The following VNN1 variants were observed in gnomAD, a reference collection of about 807,000 sequenced individuals.
VNN1 encodes pantetheinase.
VNN1 carries 29 observed loss-of-function variants against 41.9 expected under a neutral mutation model. The ratio of observed to expected loss-of-function variants is 0.69; its 90% CI spans 0.52 to 0.94. The LOEUF (loss-of-function observed/expected upper bound fraction) is 0.94, where lower values mean the gene tolerates loss of function less well. Ranked by LOEUF, VNN1 falls within the 40% of genes least tolerant of loss-of-function variation. The pLI is 0.00. For synonymous variants in VNN1, 233 were observed against 224.4 expected, an observed-to-expected ratio of 1.04 and a Z score of -0.34; for missense variants, 637 against 621.1, an observed-to-expected ratio of 1.03 and a Z score of -0.27.
intron 2 of VNN1, among the ~76,000 whole-genome samples, chr6:132,709,303 A>C (rs1318856081): frequency 2.0e-5 from 3 of 152,188 alleles, no homozygotes; most frequent in East Asian, 1.9e-4. Flanking sequence ...AGGAATTTTT[A>C]ATCTGTTTTG....
intron 2 of VNN1, among the ~76,000 whole-genome samples, chr6:132,696,456 A>G (rs568321212): frequency 3.3e-5 from 5 of 152,292 alleles, no homozygotes; most frequent in African/African-American, 1.2e-4. Context: ...AAGATCCAAG[A>G]AGCTCAACAA....
chr6:132,693,396 C>T, intron 3 of VNN1, 81 bp from the exon 4 acceptor site: 5 of 1,368,184 alleles, frequency 3.7e-6, no homozygotes, highest in Non-Finnish European at 4.9e-6. Flanking sequence ...AAAGTACAAG[C>T]TCACATCTTA....
chr6:132,701,897 A>T (rs9399038), intron 2 of VNN1, among the ~76,000 whole-genome samples: 70,841 of 152,076 alleles, frequency 0.47, 18,572 homozygotes, highest in African/African-American at 0.71. Context: ...CAGTGTTGCC[A>T]TGTAACAGCA....
At chr6:132,695,325 A>C (rs1778353151) in intron 2 of VNN1, among the ~76,000 whole-genome samples, 1 of 152,182 alleles carries the variant, frequency 6.6e-6, no homozygotes, top group Non-Finnish European at 1.5e-5. Flanking sequence ...GAATGCTTGG[A>C]AGGTAACTTA....
At chr6:132,685,286 C>T (rs1778190025) in intron 5 of VNN1, among the ~76,000 whole-genome samples, 2 of 152,174 alleles carry the variant, frequency 1.3e-5, no homozygotes, top group South Asian at 4.1e-4. Context: ...AAAGGAGATC[C>T]ATATTCATTT....
At chr6:132,684,757 T>A (rs1049426291) in intron 5 of VNN1, among the ~76,000 whole-genome samples, 1 of 152,156 alleles carries the variant, frequency 6.6e-6, no homozygotes, top group Non-Finnish European at 1.5e-5. Flanking sequence ...TGAAATACTC[T>A]CTTGATCTAG....
intron 3 of VNN1, among the ~76,000 whole-genome samples, chr6:132,693,668 C>A (rs1484301020): frequency 6.6e-6 from 1 of 152,286 alleles, no homozygotes; most frequent in African/African-American, 2.4e-5. Context: ...ATGTGGTAAG[C>A]AGTTTTTCAT....
intron 5 of VNN1, among the ~76,000 whole-genome samples, chr6:132,689,259 G>A (rs144702558): frequency 5.0e-4 from 75 of 150,624 alleles, no homozygotes; most frequent in Middle Eastern, 3.4e-3. Flanking sequence ...AGGCTCTCTC[G>A]TTTGTTGAGA....
chr6:132,702,889 G>A (rs12660840), intron 2 of VNN1, among the ~76,000 whole-genome samples: 1 of 152,122 alleles, frequency 6.6e-6, no homozygotes, highest in East Asian at 1.9e-4. Flanking sequence ...TACTCACCAC[G>A]AGGCTTGGGT....
At chr6:132,707,786 G>C (rs1279699712) in intron 2 of VNN1, among the ~76,000 whole-genome samples, 1 of 152,174 alleles carries the variant, frequency 6.6e-6, no homozygotes, top group Non-Finnish European at 1.5e-5. Context: ...GGGTAGTTAG[G>C]GGAGGAGTGG....
chr6:132,689,628 C>A (rs896443459), intron 5 of VNN1, among the ~76,000 whole-genome samples: 5 of 152,124 alleles, frequency 3.3e-5, no homozygotes, highest in African/African-American at 7.2e-5. Flanking sequence ...TGTCCTCTGT[C>A]CTTTCCTGCC....
Position 132,693,277 on chromosome 6 carries a change from G to T in VNN1, c.573C>A (p.Pro191=), listed in dbSNP as rs192335034. The change falls in exon 4 of 7, where the codon CCC becomes CCA. Residue 191 remains proline (P), a synonymous_variant. Coordinates refer to ENST00000367928, the MANE Select transcript of VNN1 (RefSeq NM_004666.3). The stretch of plus-strand genomic sequence containing the variant: ...TGAAAGTCACAATCTCAGGCTCCTT[G>T]GGTACATTGAATTGATTTTCACCCA... ...LFMGENQFNV[P]KEPEIVTFNT... 4 of 1,611,942 alleles carry T rather than the reference G, an allele frequency of 2.5e-6. No individual in the cohort carries two copies. Among genetic ancestry groups the T allele is most frequent in the Non-Finnish European group, 3.4e-6 (4 of 1,179,360 alleles).
At chr6:132,692,895 C>T (rs1778312660) in intron 4 of VNN1, 129 bp downstream of exon 4, 1 of 1,106,262 alleles carries the variant, frequency 9.0e-7, no homozygotes, top group Non-Finnish European at 1.2e-6. Flanking sequence ...ATATTAACAG[C>T]TAGATGTTCA....
At position 132,682,678 on chromosome 6, in the gene VNN1, C is replaced by T. The variant is rs1778142767; in HGVS notation, c.*462G>A. On this transcript the variant is annotated 3_prime_UTR_variant, in exon 7 of 7. Coordinates refer to ENST00000367928, the MANE Select transcript of VNN1 (RefSeq NM_004666.3). The stretch of plus-strand genomic sequence containing the variant: ...CTTCAACATGTAAATTTTGGGGAGA[C>T]ATTATCAACCCACAAGAGAATCAAA... 6.6e-6 allele frequency: 1 copy of T among 152,416 alleles called. No individual in the cohort carries two copies. Among genetic ancestry groups the T allele is most frequent in the Non-Finnish European group, 1.5e-5 (1 of 68,302 alleles). 9.4% of individuals were successfully genotyped at this position (152,416 alleles called of 1,614,324 possible). A position where few individuals can be genotyped will look rare whatever the true frequency, so the allele number is the denominator to read the frequency against.
intron 2 of VNN1, among the ~76,000 whole-genome samples, chr6:132,706,386 C>T (rs182512938): frequency 6.6e-6 from 1 of 152,156 alleles, no homozygotes; most frequent in African/African-American, 2.4e-5. Context: ...AACAAAGATG[C>T]CAAGAGCATA....
At chr6:132,686,162 C>T (rs1778203917) in intron 5 of VNN1, among the ~76,000 whole-genome samples, 1 of 152,074 alleles carries the variant, frequency 6.6e-6, no homozygotes, top group African/African-American at 2.4e-5. Context: ...AAATGTTTAT[C>T]TGGGCTGGGA....
In VNN1 at chr6:132,693,058, T is replaced by G; in HGVS notation, c.792A>C (p.Ala264=). ...TCTTTGAGGGGTAATGTATGTTGGA[T>G]GCAAGGAAATTGACCCTCATGCCCA... ...WAMGMRVNFL[A]SNIHYPSKKM... is the part of the protein sequence containing the mutation. Residue 264 remains alanine (A), a synonymous_variant, in exon 4 of 7, where the codon GCA becomes GCC. Transcript: ENST00000367928. The G allele has an allele frequency of 1.2e-6, 2 of 1,613,628 alleles. No individual in the cohort carries two copies. The highest frequency in any genetic ancestry group is 2.2e-5 in the East Asian group (1 of 44,826).
At position 132,693,054 on chromosome 6, in the gene VNN1, T is replaced by C; in HGVS notation, c.796A>G (p.Asn266Asp). Residue 266 changes from asparagine to aspartate, a missense_variant, in exon 4 of 7, where the codon AAC becomes GAC. Physicochemically the swap from Asn to Asp is conservative, Grantham distance 23. Coordinates refer to ENST00000367928, the MANE Select transcript of VNN1 (RefSeq NM_004666.3). ...ATTTTCTTTGAGGGGTAATGTATGT[T>C]GGATGCAAGGAAATTGACCCTCATG... ...MGMRVNFLAS[N>D]IHYPSKKMTG... 1 of 1,613,402 alleles carries C rather than the reference T, an allele frequency of 6.2e-7. No individual in the cohort carries two copies. The highest frequency in any genetic ancestry group is 2.2e-5 in the East Asian group (1 of 44,824).
chr6:132,687,769 A>G (rs1263296480), intron 5 of VNN1, among the ~76,000 whole-genome samples: 4 of 152,204 alleles, frequency 2.6e-5, no homozygotes, highest in African/African-American at 9.6e-5. Flanking sequence ...GATATTGTGG[A>G]AAAATTATTC....
Sources: allele counts gnomAD v4.1 joint callset (sites outside exome capture counted in the v4.1 genomes callset), GRCh38; gene constraint gnomAD v4.1.1; transcripts MANE v1.5; gene names NCBI Gene and HGNC (gene_info 2026-07-23, HGNC 2026-07-21).